DMC1: variants seen among roughly 807,000 people sequenced by gnomAD.
DMC1 encodes the protein meiotic recombination protein DMC1 homolog.
In DMC1, 27 loss-of-function variants were observed where a neutral mutation model predicts 50.1. The ratio of observed to expected loss-of-function variants is 0.54; its 90% CI spans 0.40 to 0.74. The LOEUF (loss-of-function observed/expected upper bound fraction) is 0.74, where lower values mean the gene tolerates loss of function less well. Among genes scored for constraint, DMC1 ranks in the 30% least tolerant of loss-of-function variants. The pLI is 0.00. For synonymous variants in DMC1, 148 were observed against 136.1 expected (o/e 1.09, Z -0.61); for missense variants, 295 against 420.2 (o/e 0.70, Z 2.60).
At chr22:38,513,772 G>T in the DMC1 span, among the ~76,000 whole-genome samples, 1 of 152,124 alleles carries the variant, frequency 6.6e-6, no homozygotes, top group African/African-American at 2.4e-5. Flanking sequence ...CGCCATGTTG[G>T]CCAGGCTGGC....
Position 38,520,005 on chromosome 22 carries a change from G to T in DMC1, c.*15C>A. On this transcript the variant is annotated 3_prime_UTR_variant, in exon 14 of 14. Transcript: ENST00000216024. ...CCTAATAAGCACTAAGAAGCAATTT[G>T]CATCAATTCACCACCTACTCCTTGG... The T allele has an allele frequency of 6.2e-7, 1 of 1,610,668 alleles. No individual in the cohort carries two copies. Among genetic ancestry groups the T allele is most frequent in the Non-Finnish European group, 8.5e-7 (1 of 1,177,122 alleles).
At chr22:38,567,888 A>G (rs566731294) in intron 2 of DMC1, among the ~76,000 whole-genome samples, 71 of 152,282 alleles carry the variant, frequency 4.7e-4, no homozygotes, top group African/African-American at 1.7e-3. Context: ...CAACATTTGA[A>G]CTATTTTAAA....
At chr22:38,560,644 T>C (rs2145992783) in intron 5 of DMC1, among the ~76,000 whole-genome samples, 2 of 152,152 alleles carry the variant, frequency 1.3e-5, no homozygotes, top group Non-Finnish European at 2.9e-5. Context: ...AAGAAATAGT[T>C]GAATTATATT....
the DMC1 span, among the ~76,000 whole-genome samples, chr22:38,510,592 C>T: frequency 6.6e-6 from 1 of 152,226 alleles, no homozygotes; most frequent in African/African-American, 2.4e-5. Context: ...GACCCTTCAG[C>T]CAGCCTACTA....
chr22:38,521,541 AC>A (rs2145768176), intron 13 of DMC1, 66 bp downstream of exon 13: 2 of 141,160 alleles, frequency 1.4e-5, no homozygotes, highest in South Asian at 1.6e-4. Context: ...CCGTCTCTAC[AC>A]ACACACACAC....
In DMC1 at chr22:38,549,974, C is replaced by T. The variant is rs771437904; in HGVS notation, c.445G>A (p.Gly149Ser). 6.2e-7 allele frequency: 1 copy of T among 1,613,602 alleles called. No individual in the cohort carries two copies. The highest frequency in any genetic ancestry group is 8.5e-7 in the Non-Finnish European group (1 of 1,179,714). The change falls in exon 8 of 14, where the codon GGT becomes AGT. Residue 149 changes from glycine to serine, a missense_variant. Gly to Ser is a moderately conservative substitution (Grantham distance 56). Transcript: ENST00000216024. Reference sequence around the variant, plus strand: ...ATAATCTTTCCTCCTGGGTAGCCACCAGCTCCTGGAAGTTGAGCTGTCACT... The same window carrying T: ...ATAATCTTTCCTCCTGGGTAGCCACTAGCTCCTGGAAGTTGAGCTGTCACT... ...LCVTAQLPGA[G>S]GYPGGKIIFI...
chr22:38,521,172 A>C (rs952351700), intron 13 of DMC1, among the ~76,000 whole-genome samples: 2 of 152,190 alleles, frequency 1.3e-5, no homozygotes, highest in Non-Finnish European at 2.9e-5. Flanking sequence ...CCTGAAAAAC[A>C]AATAGAGTTA....
At chr22:38,513,857 C>G in the DMC1 span, among the ~76,000 whole-genome samples, 89 of 152,336 alleles carry the variant, frequency 5.8e-4, no homozygotes, top group African/African-American at 2.1e-3. Context: ...CGGGCCACTG[C>G]GCCTGGCCCA....
At chr22:38,534,148 T>C (rs1254621334) in intron 12 of DMC1, among the ~76,000 whole-genome samples, 2 of 152,148 alleles carry the variant, frequency 1.3e-5, no homozygotes, top group Non-Finnish European at 2.9e-5. Context: ...TGATCCTGAA[T>C]TGAATGCAAA....
Position 38,566,662 on chromosome 22 carries a change from T to C in DMC1, c.171A>G (p.Arg57=), listed in dbSNP as rs2090584079. ...AGAGTCCTTTGACATTGCATAGAGC[T>C]CTTCTTGTTGTCATCTGTATACCTT... The part of the protein sequence containing the change: ...TIKGIQMTTR[R]ALCNVKGLSE... The change falls in exon 4 of 14, where the codon AGA becomes AGG. Residue 57 remains arginine (R), a synonymous_variant. Transcript: ENST00000216024. 2 of 1,613,776 alleles carry C rather than the reference T, an allele frequency of 1.2e-6. No homozygotes were observed. Among genetic ancestry groups the C allele is most frequent in the African/African-American group, 2.7e-5 (2 of 74,920 alleles).
chr22:38,517,302 C>T (rs2089982584), downstream of DMC1, among the ~76,000 whole-genome samples: 1 of 152,182 alleles, frequency 6.6e-6, no homozygotes, highest in Non-Finnish European at 1.5e-5. Flanking sequence ...GGCGTGGTGG[C>T]TCACGCCTGT....
chr22:38,522,329 G>A (rs1218907548), intron 12 of DMC1, among the ~76,000 whole-genome samples: 2 of 151,564 alleles, frequency 1.3e-5, no homozygotes, highest in Non-Finnish European at 2.9e-5. Flanking sequence ...GTCGAGGTGG[G>A]TGGATCACTG....
chr22:38,517,924 C>T (rs1167000485), downstream of DMC1, among the ~76,000 whole-genome samples: 1 of 152,098 alleles, frequency 6.6e-6, no homozygotes, highest in Non-Finnish European at 1.5e-5. Flanking sequence ...AGCTCCTATA[C>T]CTTTGCAGTC....
the DMC1 span, among the ~76,000 whole-genome samples, chr22:38,512,450 C>A: frequency 4.6e-5 from 7 of 152,138 alleles, no homozygotes; most frequent in Non-Finnish European, 1.0e-4. Flanking sequence ...CTCTGGACTG[C>A]CTAGCTTTAG....
chr22:38,525,124 G>A (rs2090073833), intron 12 of DMC1, among the ~76,000 whole-genome samples: 1 of 152,034 alleles, frequency 6.6e-6, no homozygotes, highest in Non-Finnish European at 1.5e-5. Context: ...AAATGTATGG[G>A]TCTTATTCCC....
chr22:38,562,180 TGAA>T lies in DMC1; in HGVS notation c.326+104_326+106del, dbSNP rs1322979531. On this transcript the variant is annotated intron_variant, in intron 5 of 13. Transcript: ENST00000216024. ...AAAACAAACAAACCCAAACTTCAAATGAAGAAGCTACTTCTACTACTTATAGTA... is the reference window on the plus strand; with the variant it reads ...AAAACAAACAAACCCAAACTTCAAATGAAGCTACTTCTACTACTTATAGTA... The T allele has an allele frequency of 5.3e-6, 4 of 758,452 alleles. No homozygotes were observed. In the African/African-American group the frequency reaches 7.1e-5, roughly 13 times the overall value. The allele number at this position is 758,452 out of a possible 1,614,324, so 47.0% of individuals were successfully genotyped here.
chr22:38,545,742 A>C (rs1279200937), intron 8 of DMC1: 1 of 152,130 alleles, frequency 6.6e-6, no homozygotes, highest in African/African-American at 2.4e-5. Flanking sequence ...AAATGAAAAA[A>C]CTTGGGCTTA....
chr22:38,523,925 TA>T (rs1335375585), intron 12 of DMC1, among the ~76,000 whole-genome samples: 1 of 152,128 alleles, frequency 6.6e-6, no homozygotes, highest in Non-Finnish European at 1.5e-5. Flanking sequence ...TAAGAACGGA[TA>T]GTCAAGGTTA....
At chr22:38,541,892 AG>A (rs1192430241) in intron 8 of DMC1, among the ~76,000 whole-genome samples, 1 of 152,012 alleles carries the variant, frequency 6.6e-6, no homozygotes, top group Non-Finnish European at 1.5e-5. Context: ...GATTCGTCTC[AG>A]GGATGCAAGG....
Sources: gnomAD v4.1 joint callset for allele counts (sites outside exome capture counted in the v4.1 genomes callset) on GRCh38, gnomAD v4.1.1 for gene constraint, MANE v1.5 for transcripts, NCBI Gene and HGNC (gene_info 2026-07-23, HGNC 2026-07-21) for gene names.